HRK: variants seen among roughly 807,000 people sequenced by gnomAD.
HRK encodes the protein harakiri, BCL2 interacting protein, also known as activator of apoptosis harakiri.
HRK carries 6 observed loss-of-function variants against 5.9 expected under a neutral mutation model. That is an observed-to-expected ratio of 1.02 (90% CI 0.56 to 2.01). The LOEUF is 2.01. Among genes scored for constraint, HRK ranks in the 30% most tolerant of loss-of-function variants. The pLI, the probability that HRK is intolerant of heterozygous loss-of-function variation, is 0.00. For missense variants in HRK, 133 were observed against 128.3 expected, an observed-to-expected ratio of 1.04 and a Z score of -0.18; for synonymous variants, 85 against 65.1, an observed-to-expected ratio of 1.31 and a Z score of -1.47.
chr12:116,881,232 G>A lies in HRK; in HGVS notation c.76C>T (p.Arg26Cys), dbSNP rs1186854648. The A allele has an allele frequency of 1.3e-5, 14 of 1,104,900 alleles. No individual in the cohort carries two copies. The East Asian group carries it at 5.5e-4, about 44-fold the overall frequency. The allele number at this position is 1,104,900 out of a possible 1,614,324, so 68.4% of individuals were successfully genotyped here. A position where few individuals can be genotyped will look rare whatever the true frequency, so the allele number is the denominator to read the frequency against. ...CACSAGRLGL[R>C]SSAAQLTAAR... ...GCGGTGAGCTGCGCGGCGGACGAGC[G>A]CAGCCCCAGGCGACCCGCGCTGCAG... is the stretch of plus-strand genomic sequence containing the variant. The change falls in exon 1 of 2, where the codon CGC becomes TGC. Residue 26 changes from arginine (R) to cysteine (C), a missense_variant. Transcript: ENST00000257572.
intron 1 of HRK, among the ~76,000 whole-genome samples, chr12:116,872,796 G>A (rs779818212): frequency 1.4e-5 from 2 of 144,644 alleles, no homozygotes; most frequent in African/African-American, 5.1e-5. Flanking sequence ...GAGAGAGAGA[G>A]ACAGAGACAG....
At chr12:116,876,371 C>T (rs749330033) in intron 1 of HRK, among the ~76,000 whole-genome samples, 1 of 152,246 alleles carries the variant, frequency 6.6e-6, no homozygotes, top group Non-Finnish European at 1.5e-5. Flanking sequence ...CTGCGGGATG[C>T]GCCTCCAGGT....
rs1449322797 is a variant in HRK at position 116,859,575 on chromosome 12, C to T, written c.*1948G>A. ...CTAAGCGAGGGTCCCCTGCAAACATCAGCTAGGGGGAGGGCACGAGTAATG... is the reference window on the plus strand; with the variant it reads ...CTAAGCGAGGGTCCCCTGCAAACATTAGCTAGGGGGAGGGCACGAGTAATG... On this transcript the variant is annotated 3_prime_UTR_variant, in exon 2 of 2. Coordinates refer to ENST00000257572, the MANE Select transcript of HRK (RefSeq NM_003806.4). 6.6e-6 allele frequency: 1 copy of T among 152,062 alleles called. No individual in the cohort carries two copies. The highest frequency in any genetic ancestry group is 1.5e-5 in the Non-Finnish European group (1 of 68,026). 9.4% of individuals were successfully genotyped at this position (152,062 alleles called of 1,614,324 possible).
chr12:116,865,935 A>G (rs934928321), intron 1 of HRK, among the ~76,000 whole-genome samples: 4 of 152,086 alleles, frequency 2.6e-5, no homozygotes, highest in South Asian at 2.1e-4. Context: ...AGGCAGGTGG[A>G]TCACTTGAGG....
chr12:116,869,349 C>T (rs1878661453), intron 1 of HRK: 1 of 152,186 alleles, frequency 6.6e-6, no homozygotes, highest in African/African-American at 2.4e-5. Context: ...ATGTTCTGAA[C>T]ACCAGTACAT....
At chr12:116,871,553 C>G (rs1165946075) in intron 1 of HRK, among the ~76,000 whole-genome samples, 1 of 151,242 alleles carries the variant, frequency 6.6e-6, no homozygotes, top group Non-Finnish European at 1.5e-5. Context: ...ATCCACCCAC[C>G]TCGGCCTCCC....
rs1878138559 is a variant in HRK at position 116,856,218 on chromosome 12, C to CTTAT, written c.*5304_*5305insATAA. 6.6e-6 allele frequency: 1 copy of CTTAT among 152,172 alleles called. No homozygotes were observed. The highest frequency in any genetic ancestry group is 1.5e-5 in the Non-Finnish European group (1 of 68,026). The allele number at this position is 152,172 out of a possible 1,614,324, so 9.4% of individuals were successfully genotyped here. ...AGCGTCTCCAAGGTATGAAATTCCTCTTACAAAAGAGCACAACGACGTCAG... is the reference window on the plus strand; with the variant it reads ...AGCGTCTCCAAGGTATGAAATTCCTCTTATTTACAAAAGAGCACAACGACGTCAG... On this transcript the variant is annotated 3_prime_UTR_variant, in exon 2 of 2. Coordinates refer to ENST00000257572, the MANE Select transcript of HRK (RefSeq NM_003806.4). The surrounding 1 kb of genome is among the most constrained non-coding windows in gnomAD (Gnocchi z 4.4).
At chr12:116,873,588 G>A (rs565922824) in intron 1 of HRK, among the ~76,000 whole-genome samples, 1 of 150,202 alleles carries the variant, frequency 6.7e-6, no homozygotes, top group African/African-American at 2.4e-5. Flanking sequence ...GCCCAGGTTA[G>A]TCTCAAGTTC....
In HRK at chr12:116,859,055, A is replaced by G. The variant is rs1236162312; in HGVS notation, c.*2468T>C. The G allele has an allele frequency of 2.6e-5, 4 of 152,208 alleles. No individual in the cohort carries two copies. Among genetic ancestry groups the G allele is most frequent in the African/African-American group, 9.7e-5 (4 of 41,438 alleles). 9.4% of individuals were successfully genotyped at this position (152,208 alleles called of 1,614,324 possible). ...ATGTGCAAGGAAAGGTCAGGATTCGATAAATACGTGGTCTCTAATAAAACA... is the reference window on the plus strand; with the variant it reads ...ATGTGCAAGGAAAGGTCAGGATTCGGTAAATACGTGGTCTCTAATAAAACA... On this transcript the variant is annotated 3_prime_UTR_variant, in exon 2 of 2. Transcript: ENST00000257572.
At chr12:116,868,202 T>C (rs1411682861) in intron 1 of HRK, among the ~76,000 whole-genome samples, 3 of 152,042 alleles carry the variant, frequency 2.0e-5, no homozygotes, top group Admixed American at 1.3e-4. Context: ...GTGATCCTCC[T>C]GCCCCAGCTT....
At chr12:116,864,334 G>A (rs1211310814) in intron 1 of HRK, among the ~76,000 whole-genome samples, 1 of 152,156 alleles carries the variant, frequency 6.6e-6, no homozygotes, top group Non-Finnish European at 1.5e-5. Flanking sequence ...TGCTAAGCAT[G>A]GTTATCCGCA....
At chr12:116,871,128 TTTTG>T (rs1341986963) in intron 1 of HRK, among the ~76,000 whole-genome samples, 2 of 146,914 alleles carry the variant, frequency 1.4e-5, no homozygotes, top group Non-Finnish European at 3.0e-5. Context: ...TTTTGTTTTG[TTTTG>T]TTTTAGTAGA....
Position 116,880,984 on chromosome 12 carries a change from CGCTCCGGCTGGGTCTCG to C in HRK, c.*31_*47del, listed in dbSNP as rs1192985850. 1 of 1,256,676 alleles carries C rather than the reference CGCTCCGGCTGGGTCTCG, an allele frequency of 8.0e-7. No homozygotes were observed. Among genetic ancestry groups the C allele is most frequent in the Non-Finnish European group, 1.0e-6 (1 of 992,210 alleles). The allele number at this position is 1,256,676 out of a possible 1,614,324, so 77.8% of individuals were successfully genotyped here. On this transcript the variant is annotated 3_prime_UTR_variant, in exon 1 of 2. Coordinates refer to ENST00000257572, the MANE Select transcript of HRK (RefSeq NM_003806.4). ...CTCGCTCGCTCGCGTACCTGTTGCT[CGCTCCGGCTGGGTCTCG>C]GCTCCGGCCCCACCAAGAAGCCCCG...
rs1337113791 is a variant in HRK, at chr12:116,857,280, A to AAAGG, written c.*4242_*4243insCCTT. ...TGTAGATGCTCAATCAATATATGCT[A>AAAGG]AATGAATGAATGAGAATTTAAAAAA... On this transcript the variant is annotated 3_prime_UTR_variant, in exon 2 of 2. Coordinates refer to ENST00000257572, the MANE Select transcript of HRK (RefSeq NM_003806.4). The AAAGG allele has an allele frequency of 1.3e-5, 2 of 152,370 alleles. No individual in the cohort carries two copies. The highest frequency in any genetic ancestry group is 3.9e-4 in the East Asian group (2 of 5,186). The allele number at this position is 152,370 out of a possible 1,614,324, so 9.4% of individuals were successfully genotyped here. A position where few individuals can be genotyped will look rare whatever the true frequency, so the allele number is the denominator to read the frequency against.
At position 116,857,712 on chromosome 12, in the gene HRK, T is replaced by C. The variant is rs1156837682; in HGVS notation, c.*3811A>G. The C allele has an allele frequency of 6.6e-6, 1 of 152,170 alleles. No homozygotes were observed. Among genetic ancestry groups the C allele is most frequent in the Non-Finnish European group, 1.5e-5 (1 of 68,028 alleles). 9.4% of individuals were successfully genotyped at this position (152,170 alleles called of 1,614,324 possible). A position where few individuals can be genotyped will look rare whatever the true frequency, so the allele number is the denominator to read the frequency against. ...CAGTTTCATTTTTCTGTGACAGTAT[T>C]GGGTAAATCACCCTTTCCTCTCACC... On this transcript the variant is annotated 3_prime_UTR_variant, in exon 2 of 2. Coordinates refer to ENST00000257572, the MANE Select transcript of HRK (RefSeq NM_003806.4).
intron 1 of HRK, among the ~76,000 whole-genome samples, chr12:116,875,754 G>C (rs1050206530): frequency 6.6e-6 from 1 of 152,052 alleles, no homozygotes; most frequent in East Asian, 1.9e-4. Flanking sequence ...ACATTGGCCA[G>C]GCAGGTCTCG....
Position 116,880,064 on chromosome 12 carries a change from C to G in HRK, c.*56+912G>C, listed in dbSNP as rs142917211. 3.9e-3 allele frequency among the ~76,000 whole-genome samples: 593 copies of G among 152,254 alleles called. 3 individuals are homozygous for G. The highest frequency in any genetic ancestry group is 0.013 in the African/African-American group (554 of 41,552). On this transcript the variant is annotated intron_variant, in intron 1 of 1. Transcript: ENST00000257572. ...GGCGCACAGCTAGGGCACAATGATC[C>G]CCCCACCCCAAGAGCCTAGTACCTT...
At chr12:116,870,778 C>A (rs1391707644) in intron 1 of HRK, among the ~76,000 whole-genome samples, 1 of 152,120 alleles carries the variant, frequency 6.6e-6, no homozygotes, top group Non-Finnish European at 1.5e-5. Context: ...GCAGCCTGGG[C>A]AACAGAGAGA....
chr12:116,863,374 A>T (rs1336838249), intron 1 of HRK, among the ~76,000 whole-genome samples: 1 of 152,134 alleles, frequency 6.6e-6, no homozygotes, highest in African/African-American at 2.4e-5. Flanking sequence ...GGACTCTGGT[A>T]CAGTGACACC....
Sources: allele counts gnomAD v4.1 joint callset (sites outside exome capture counted in the v4.1 genomes callset), GRCh38; gene constraint gnomAD v4.1.1; non-coding constraint Gnocchi (gnomAD v3.1); transcripts MANE v1.5; gene names NCBI Gene and HGNC (gene_info 2026-07-23, HGNC 2026-07-21).